The following SLC8A1 variants were observed in gnomAD, a reference collection of about 807,000 sequenced individuals.
SLC8A1 encodes sodium/calcium exchanger 1.
SLC8A1 carries 18 observed loss-of-function variants against 68.3 expected under a neutral mutation model. The ratio of observed to expected loss-of-function variants is 0.26; its 90% confidence interval spans 0.18 to 0.39. The LOEUF (loss-of-function observed/expected upper bound fraction) is 0.39. SLC8A1 is among the 10% of genes least tolerant of loss of function. SLC8A1 has a pLI of 1.00. For missense variants in SLC8A1, 985 were observed against 1,156.7 expected, an observed-to-expected ratio of 0.85 and a Z score of 2.15; for synonymous variants, 475 against 415.5, an observed-to-expected ratio of 1.14 and a Z score of -1.74.
At chr2:40,491,363 A>T (rs1463403297) in intron 1 of SLC8A1, among the ~76,000 whole-genome samples, 1 of 152,154 alleles carries the variant, frequency 6.6e-6, no homozygotes, top group Non-Finnish European at 1.5e-5. Context: ...GAAGTTGCTT[A>T]TCAGCTTAAG....
At chr2:40,166,491 T>C (rs1031402941) in intron 4 of SLC8A1, among the ~76,000 whole-genome samples, 5 of 152,154 alleles carry the variant, frequency 3.3e-5, no homozygotes, top group Non-Finnish European at 7.3e-5. Context: ...AAATAAATGA[T>C]TTTGGACTGG....
intron 2 of SLC8A1, among the ~76,000 whole-genome samples, chr2:40,235,907 G>C (rs911287110): frequency 6.6e-6 from 1 of 151,868 alleles, no homozygotes; most frequent in Non-Finnish European, 1.5e-5. Context: ...TAGTTGAGGG[G>C]TTTTGAGTGA....
chr2:40,373,202 G>C (rs997126615), intron 2 of SLC8A1, among the ~76,000 whole-genome samples: 2 of 152,046 alleles, frequency 1.3e-5, no homozygotes, highest in South Asian at 4.1e-4. Flanking sequence ...GCTTACAAAA[G>C]AGTGAATGTC....
intron 2 of SLC8A1, among the ~76,000 whole-genome samples, chr2:40,279,841 C>T (rs984673412): frequency 1.3e-5 from 2 of 152,194 alleles, no homozygotes; most frequent in African/African-American, 2.4e-5. Context: ...AAATCTGTAG[C>T]TCACCAATCT....
chr2:40,171,369 G>C (rs1365270999), intron 4 of SLC8A1, among the ~76,000 whole-genome samples: 1 of 152,166 alleles, frequency 6.6e-6, no homozygotes, highest in Non-Finnish European at 1.5e-5. Flanking sequence ...TATACTGACT[G>C]ATTTTTAATT....
intron 2 of SLC8A1, among the ~76,000 whole-genome samples, chr2:40,387,808 G>A (rs113445552): frequency 6.6e-6 from 1 of 151,880 alleles, no homozygotes; most frequent in Non-Finnish European, 1.5e-5. Flanking sequence ...GTGGTGGCAT[G>A]TGCCTGTAAT....
chr2:40,200,363 T>G (rs2054130080), intron 2 of SLC8A1, among the ~76,000 whole-genome samples: 1 of 142,256 alleles, frequency 7.0e-6, no homozygotes, highest in East Asian at 2.1e-4. Context: ...TAGAGCTTTT[T>G]TGTTGCTTAT....
At chr2:40,313,005 C>T (rs1362752231) in intron 2 of SLC8A1, among the ~76,000 whole-genome samples, 1 of 151,904 alleles carries the variant, frequency 6.6e-6, no homozygotes, top group African/African-American at 2.4e-5. Context: ...GCTGCATATA[C>T]TACGTATATA....
intron 2 of SLC8A1, among the ~76,000 whole-genome samples, chr2:40,424,249 A>C (rs888519346): frequency 3.3e-5 from 5 of 151,676 alleles, no homozygotes; most frequent in African/African-American, 1.2e-4. Context: ...AAATTTTCTT[A>C]ATATCTTCAT....
At chr2:40,371,758 A>C (rs1184335992) in intron 2 of SLC8A1, among the ~76,000 whole-genome samples, 2 of 152,102 alleles carry the variant, frequency 1.3e-5, no homozygotes, top group Non-Finnish European at 2.9e-5. Flanking sequence ...CTCCCAGCAG[A>C]AAGAGTTGAT....
chr2:40,238,902 A>G (rs2060819872), intron 2 of SLC8A1, among the ~76,000 whole-genome samples: 1 of 152,188 alleles, frequency 6.6e-6, no homozygotes, highest in African/African-American at 2.4e-5. Context: ...CTTTACAGGG[A>G]TAACTGCAGT....
At chr2:40,262,991 A>C (rs1485009762) in intron 2 of SLC8A1, among the ~76,000 whole-genome samples, 1 of 152,254 alleles carries the variant, frequency 6.6e-6, no homozygotes, top group Non-Finnish European at 1.5e-5. Context: ...TAAGAAGGTA[A>C]AATATTTTAG....
At chr2:40,190,690 T>G (rs972412816) in intron 2 of SLC8A1, 4 of 152,194 alleles carry the variant, frequency 2.6e-5, no homozygotes, top group South Asian at 2.1e-4. Context: ...GATGGCTGTG[T>G]TGAATCTTGG....
intron 2 of SLC8A1, among the ~76,000 whole-genome samples, chr2:40,339,779 C>T (rs769779592): frequency 3.3e-5 from 5 of 152,108 alleles, no homozygotes; most frequent in Non-Finnish European, 5.9e-5. Context: ...TAAGACGTAT[C>T]TAAATAGATG....
At chr2:40,471,181 C>G (rs1703967724) in intron 1 of SLC8A1, among the ~76,000 whole-genome samples, 1 of 152,160 alleles carries the variant, frequency 6.6e-6, no homozygotes, top group African/African-American at 2.4e-5. Context: ...TTAGAACCAC[C>G]CTCTGACATA....
intron 2 of SLC8A1, among the ~76,000 whole-genome samples, chr2:40,402,696 T>C (rs1375284774): frequency 6.6e-6 from 1 of 152,180 alleles, no homozygotes; most frequent in Non-Finnish European, 1.5e-5. Context: ...TCTTTTCCAG[T>C]GCAAAAGAAA....
At chr2:40,144,772 C>A (rs1021006852) in intron 6 of SLC8A1, among the ~76,000 whole-genome samples, 1 of 151,918 alleles carries the variant, frequency 6.6e-6, no homozygotes, top group East Asian at 1.9e-4. Flanking sequence ...TGTTTTGGAA[C>A]CTCTATTTTT....
At chr2:40,464,820 G>A (rs573206357) in intron 1 of SLC8A1, among the ~76,000 whole-genome samples, 4 of 152,312 alleles carry the variant, frequency 2.6e-5, no homozygotes, top group African/African-American at 9.6e-5. Flanking sequence ...AGTTCCCCCA[G>A]TGCCTGGAGG....
chr2:40,270,563 T>A (rs1341971337), intron 2 of SLC8A1, among the ~76,000 whole-genome samples: 1 of 152,220 alleles, frequency 6.6e-6, no homozygotes, highest in Admixed American at 6.5e-5. Flanking sequence ...TGACTGTCCT[T>A]CCATAGTTGC....
Sources: allele counts gnomAD v4.1 joint callset (sites outside exome capture counted in the v4.1 genomes callset), GRCh38; gene constraint gnomAD v4.1.1; transcripts MANE v1.5; gene names NCBI Gene and HGNC (gene_info 2026-07-23, HGNC 2026-07-21).